CUL9: variants seen among roughly 807,000 people sequenced by gnomAD.
The protein encoded by CUL9 is cullin 9, also known as cullin-9.
Under a neutral mutation model 272.6 loss-of-function variants are expected in CUL9, and 79 were observed. That is an observed-to-expected ratio of 0.29 (90% CI 0.24 to 0.35). CUL9 has a LOEUF of 0.35. CUL9 is among the 10% of genes least tolerant of loss of function. CUL9 has a pLI of 1.00. For synonymous variants in CUL9, 1,186 were observed against 1,286.5 expected (o/e 0.92, Z 1.67); for missense variants, 2,532 against 3,255.6 (o/e 0.78, Z 5.41).
In CUL9 at chr6:43,221,630, C is replaced by T; in HGVS notation, c.6753-55C>T. ...CGGTACATCTGGGCCCTTGGCATTC[C>T]TGGCACACCCCTGCCCAGAGGCAGG... is the stretch of plus-strand genomic sequence containing the variant. On this transcript the variant is annotated intron_variant, in intron 34 of 40. Transcript: ENST00000252050. This position sits in a 1 kb window ranked among gnomAD's most constrained non-coding sequence, Gnocchi z 4.2. 6.5e-7 allele frequency: 1 copy of T among 1,535,764 alleles called. No individual in the cohort carries two copies. The highest frequency in any genetic ancestry group is 9.0e-7 in the Non-Finnish European group (1 of 1,114,942).
chr6:43,213,945 G>T lies in CUL9; in HGVS notation c.5688+33G>T. On this transcript the variant is annotated intron_variant, in intron 29 of 40. Transcript: ENST00000252050. This position sits in a 1 kb window ranked among gnomAD's most constrained non-coding sequence, Gnocchi z 5.7. ...GAGAGGGGACCATGAAGTTGGCGGA[G>T]GGAGGGAGTCATGCTTGGGATTGGG... 2 of 1,608,418 alleles carry T rather than the reference G, an allele frequency of 1.2e-6. No individual in the cohort carries two copies. The highest frequency in any genetic ancestry group is 1.7e-6 in the Non-Finnish European group (2 of 1,175,274).
Position 43,223,793 on chromosome 6 carries a change from C to G in CUL9, c.7285-302C>G. The G allele has an allele frequency of 1.9e-6, 1 of 519,494 alleles. No individual in the cohort carries two copies. The allele number at this position is 519,494 out of a possible 1,614,324, so 32.2% of individuals were successfully genotyped here. ...TCTCTCCAGCTCTAATGCACTGATG[C>G]TGAGTCTAAACTGTGAGTCCTGTCC... On this transcript the variant is annotated intron_variant, in intron 39 of 40. Transcript: ENST00000252050. This position sits in a 1 kb window ranked among gnomAD's most constrained non-coding sequence, Gnocchi z 4.1.
rs72664267 is a variant in CUL9, at chr6:43,187,694, A to G, written c.1582-19A>G. On this transcript the variant is annotated intron_variant, in intron 6 of 40. Coordinates refer to ENST00000252050, the MANE Select transcript of CUL9 (RefSeq NM_015089.4). ...TTGTGTCTGCTTGTCTCTTAAACGT[A>G]TACCCCTTCTGTTGACAGACCCTGG... The G allele has an allele frequency of 0.036, 57,179 of 1,609,090 alleles. 2,212 individuals carry two copies. The highest frequency in any genetic ancestry group is 0.24 in the East Asian group (10,905 of 44,806).
rs769675793 is a variant in CUL9, at chr6:43,222,332, G to A, written c.6863G>A (p.Arg2288His). 1.2e-5 allele frequency: 20 copies of A among 1,613,926 alleles called. No individual in the cohort carries two copies. The highest frequency in any genetic ancestry group is 1.7e-5 in the Admixed American group (1 of 59,994). Residue 2288 changes from arginine to histidine, a missense_variant, in exon 36 of 41, where the codon CGC becomes CAC. Arg to His is a conservative substitution (Grantham distance 29). Around this residue, in one of 3 missense-constraint regions of CUL9, gnomAD observed 237 missense variants for 305.9 expected, o/e 0.77. Coordinates refer to ENST00000252050, the MANE Select transcript of CUL9 (RefSeq NM_015089.4). ...CCTTGCTAGGTAAGCAAGGCAGCTC[G>A]CCAGGAGAAGCGGTTTCAGGACTAT... ...NCSAMVSKAA[R>H]QEKRFQDYNE...
rs1394314848 is a variant in CUL9 at position 43,222,903 on chromosome 6, C to T, written c.7150+7C>T. ...GCCCTGCAGATCCTCCTGGGTGAGCCACCCCTGCCAGCCAGGCCCTCCTCC... is the reference window on the plus strand; with the variant it reads ...GCCCTGCAGATCCTCCTGGGTGAGCTACCCCTGCCAGCCAGGCCCTCCTCC... On this transcript the variant is annotated splice_region_variant and intron_variant, in intron 38 of 40. Transcript: ENST00000252050. 3 of 1,609,576 alleles carry T rather than the reference C, an allele frequency of 1.9e-6. No individual in the cohort carries two copies. Among genetic ancestry groups the T allele is most frequent in the East Asian group, 4.5e-5 (2 of 44,854 alleles).
rs559115396 is a variant in CUL9, at chr6:43,210,757, A to G, written c.5213-2392A>G. On this transcript the variant is annotated intron_variant, in intron 26 of 40. Coordinates refer to ENST00000252050, the MANE Select transcript of CUL9 (RefSeq NM_015089.4). ...AATAAATTCATAAATAATAAACTCA[A>G]TGAATTAATTTATTATTAATTAATT... Among the ~76,000 whole-genome samples the G allele has an allele frequency of 7.9e-5, 12 of 152,238 alleles. No homozygotes were observed. In the South Asian group the frequency reaches 2.3e-3, roughly 29 times the overall value.
rs1776359656 is a variant in CUL9 at position 43,221,450 on chromosome 6, G to A, written c.6752+129G>A. On this transcript the variant is annotated intron_variant, in intron 34 of 40. Transcript: ENST00000252050. The surrounding 1 kb of genome is among the most constrained non-coding windows in gnomAD (Gnocchi z 4.2). Reference sequence around the variant, plus strand: ...TGGTTCCTCAGCCGCCCCTCACGTGGCAGCCTCCACGGTGACTTCCTGGAT... The same window carrying A: ...TGGTTCCTCAGCCGCCCCTCACGTGACAGCCTCCACGGTGACTTCCTGGAT... 4 of 1,141,944 alleles carry A rather than the reference G, an allele frequency of 3.5e-6. No individual in the cohort carries two copies. The highest frequency in any genetic ancestry group is 4.9e-6 in the Non-Finnish European group (4 of 821,976). The allele number at this position is 1,141,944 out of a possible 1,614,324, so 70.7% of individuals were successfully genotyped here. A position where few individuals can be genotyped will look rare whatever the true frequency, so the allele number is the denominator to read the frequency against.
intron 6 of CUL9, 22 bp from the exon 7 acceptor site, chr6:43,187,691 C>A: frequency 1.2e-6 from 2 of 1,607,806 alleles, no homozygotes; most frequent in Non-Finnish European, 1.7e-6. Flanking sequence ...GTCTCTTAAA[C>A]GTATACCCCT....
chr6:43,191,252 TTGTGTG>T (rs58122260), intron 8 of CUL9, among the ~76,000 whole-genome samples: 282 of 127,022 alleles, frequency 2.2e-3, no homozygotes, highest in African/African-American at 7.9e-3. Context: ...CTAAATTGCA[TTGTGTG>T]TGTGTGTGTG....
Position 43,200,299 on chromosome 6 carries a change from A to T in CUL9, c.3385-137A>T, listed in dbSNP as rs1490928537. On this transcript the variant is annotated intron_variant, in intron 14 of 40. Transcript: ENST00000252050. This position sits in a 1 kb window ranked among gnomAD's most constrained non-coding sequence, Gnocchi z 4.0. Reference sequence around the variant, plus strand: ...ACTTGTTTCCTAACCTTGACTCCACATGGTTCTGTCAAAATGTGGGGAGAG... The same window carrying T: ...ACTTGTTTCCTAACCTTGACTCCACTTGGTTCTGTCAAAATGTGGGGAGAG... 2 of 1,506,434 alleles carry T rather than the reference A, an allele frequency of 1.3e-6. No homozygotes were observed. The highest frequency in any genetic ancestry group is 4.6e-5 in the East Asian group (2 of 43,164). 93.3% of individuals were successfully genotyped at this position (1,506,434 alleles called of 1,614,324 possible). A position where few individuals can be genotyped will look rare whatever the true frequency, so the allele number is the denominator to read the frequency against.
In CUL9 at chr6:43,203,179, A is replaced by G. The variant is rs201926873; in HGVS notation, c.3824A>G (p.Gln1275Arg). The G allele has an allele frequency of 1.7e-5, 28 of 1,614,158 alleles. No individual in the cohort carries two copies. The East Asian group carries it at 6.2e-4, about 36-fold the overall frequency. ...ENLNRFWPII[Q>R]IRIKRCQQGG... ...CTGAACCGCTTCTGGCCCATCATCCAGATCCGCATAAAGCGCTGCCAGCAG... is the reference window on the plus strand; with the variant it reads ...CTGAACCGCTTCTGGCCCATCATCCGGATCCGCATAAAGCGCTGCCAGCAG... The change falls in exon 18 of 41, where the codon CAG (glutamine) becomes CGG (arginine). Residue 1275 changes from glutamine to arginine, a missense_variant. Transcript: ENST00000252050. This position sits in a 1 kb window ranked among gnomAD's most constrained non-coding sequence, Gnocchi z 5.0.
chr6:43,222,815 CAGG>C lies in CUL9; in HGVS notation c.7071_7073del (p.Gln2357_Asp2358delinsHis). ...CGCCTGCGTGTACAGCTTCTACAGC[CAGG>C]ACGCAGAGTACATGGATGTGGTGGA... is the stretch of plus-strand genomic sequence containing the variant. On this transcript the variant is annotated inframe_deletion, in exon 38 of 41. Transcript: ENST00000252050. 1 of 1,614,106 alleles carries C rather than the reference CAGG, an allele frequency of 6.2e-7. No individual in the cohort carries two copies. Among genetic ancestry groups the C allele is most frequent in the Non-Finnish European group, 8.5e-7 (1 of 1,180,000 alleles).
Position 43,190,591 on chromosome 6 carries a change from G to T in CUL9, c.2180+1876G>T, listed in dbSNP as rs190565352. ...AGACAGAGACAATCACTATTAACAT[G>T]TTGGTAAACATCCTTACTTATTTCT... On this transcript the variant is annotated intron_variant, in intron 8 of 40. Transcript: ENST00000252050. Among the ~76,000 whole-genome samples, 11 of 152,174 alleles carry T rather than the reference G, an allele frequency of 7.2e-5. No homozygotes were observed. In the East Asian group the frequency reaches 1.9e-3, roughly 27 times the overall value.
intron 8 of CUL9, 33 bp from the exon 9 acceptor site, chr6:43,192,968 G>T (rs376269909): frequency 6.2e-7 from 1 of 1,604,580 alleles, no homozygotes; most frequent in East Asian, 2.2e-5. Flanking sequence ...GACTCCTTGG[G>T]ATGGGGAGCC....
At chr6:43,198,580 A>C (rs1252283690) in intron 11 of CUL9, 29 bp from the exon 12 acceptor site, 1 of 1,609,760 alleles carries the variant, frequency 6.2e-7, no homozygotes, top group Admixed American at 1.7e-5. Flanking sequence ...CTTCATCCAC[A>C]TTTTTCCCTC....
At position 43,188,539 on chromosome 6, in the gene CUL9, G is replaced by C. The variant is rs955672541; in HGVS notation, c.2004G>C (p.Leu668Phe). The change falls in exon 8 of 41, where the codon TTG (leucine) becomes TTC (phenylalanine). Residue 668 changes from leucine (L) to phenylalanine (F), a missense_variant. Coordinates refer to ENST00000252050, the MANE Select transcript of CUL9 (RefSeq NM_015089.4). ...CAATTTCAGAAATGGCCAGAGCCTT[G>C]CGGGGTCCCGGTCCTCGCAGCTCCC... is the stretch of plus-strand genomic sequence containing the variant. Reference protein sequence around the residue: ...KEAASEMARALRGPGPRSSLD... With the variant: ...KEAASEMARAFRGPGPRSSLD... The C allele has an allele frequency of 2.5e-6, 4 of 1,609,878 alleles. No homozygotes were observed. In the South Asian group the frequency reaches 3.3e-5, roughly 13 times the overall value.
chr6:43,203,287 G>A lies in CUL9; in HGVS notation c.3849+83G>A. 5.0e-6 allele frequency: 8 copies of A among 1,594,594 alleles called. No homozygotes were observed. The South Asian group carries it at 7.7e-5, about 15-fold the overall frequency. On this transcript the variant is annotated intron_variant, in intron 18 of 40. Transcript: ENST00000252050. The surrounding 1 kb of genome is among the most constrained non-coding windows in gnomAD (Gnocchi z 5.0). ...TTGATCTGCTTGGGAGATGGCCCAGGACCTGTTGAGTCCCAGAGATGTGGG... is the reference window on the plus strand; with the variant it reads ...TTGATCTGCTTGGGAGATGGCCCAGAACCTGTTGAGTCCCAGAGATGTGGG...
At chr6:43,209,144 TTTC>T (rs1411778330) in intron 26 of CUL9, among the ~76,000 whole-genome samples, 3 of 148,466 alleles carry the variant, frequency 2.0e-5, no homozygotes, top group Non-Finnish European at 3.0e-5. Context: ...TCTTTCTTTC[TTTC>T]TTTTTTTTTT....
At position 43,188,630 on chromosome 6, in the gene CUL9, C is replaced by T; in HGVS notation, c.2095C>T (p.Leu699Phe). The T allele has an allele frequency of 6.2e-7, 1 of 1,614,214 alleles. No homozygotes were observed. The highest frequency in any genetic ancestry group is 1.3e-5 in the African/African-American group (1 of 75,058). Residue 699 changes from leucine to phenylalanine, a missense_variant, in exon 8 of 41, where the codon CTT becomes TTT. By Grantham distance (22) the Leu-to-Phe change is conservative. Transcript: ENST00000252050. ...ATCCAGCTTGGACACAAACCTGCAGCTTTCAGGGCTCTCTGCCCTCTCTCA... is the reference window on the plus strand; with the variant it reads ...ATCCAGCTTGGACACAAACCTGCAGTTTTCAGGGCTCTCTGCCCTCTCTCA... ...QISSLDTNLQ[L>F]SGLSALSQAV... is the part of the protein sequence containing the mutation.
Sources: allele counts gnomAD v4.1 joint callset (sites outside exome capture counted in the v4.1 genomes callset), GRCh38; gene constraint gnomAD v4.1.1; regional missense constraint gnomAD v4.1.1; non-coding constraint Gnocchi (gnomAD v3.1); transcripts MANE v1.5; gene names NCBI Gene and HGNC (gene_info 2026-07-23, HGNC 2026-07-21).